Variants in INPP4B observed in about 807,000 individuals in gnomAD.
INPP4B encodes inositol polyphosphate-4-phosphatase type II B.
INPP4B carries 55 observed loss-of-function variants against 122.5 expected under a neutral mutation model. That is an observed-to-expected ratio of 0.45 (90% confidence interval 0.36 to 0.56). The LOEUF is 0.56. INPP4B is among the 20% of genes least tolerant of loss of function. The probability of loss-of-function intolerance (pLI) is 0.00; values close to 1 mark genes in which losing one functional copy is unlikely to be tolerated. For synonymous variants in INPP4B, 403 were observed against 388.7 expected, an observed-to-expected ratio of 1.04 and a Z score of -0.43; for missense variants, 1,000 against 1,097.7, an observed-to-expected ratio of 0.91 and a Z score of 1.26.
At chr4:142,067,708 A>T (rs1258150829) in intron 25 of INPP4B, among the ~76,000 whole-genome samples, 1 of 152,216 alleles carries the variant, frequency 6.6e-6, no homozygotes, top group Non-Finnish European at 1.5e-5. Context: ...ACCCAATTTG[A>T]TCAAGTGGAA....
At position 142,023,855 on chromosome 4, in the gene INPP4B, T is replaced by C. The variant is rs1736214952; in HGVS notation, c.*4927A>G. On this transcript the variant is annotated 3_prime_UTR_variant, in exon 26 of 26. Transcript: ENST00000262992. ...TGGTACTCACTCTCTGTGGGTACCA[T>C]ACTCAATTGTAAATCTTTTAAAAAT... 1 of 152,176 alleles carries C rather than the reference T, an allele frequency of 6.6e-6. No individual in the cohort carries two copies. The highest frequency in any genetic ancestry group is 1.5e-5 in the Non-Finnish European group (1 of 68,008). 9.4% of individuals were successfully genotyped at this position (152,176 alleles called of 1,614,324 possible).
intron 18 of INPP4B, among the ~76,000 whole-genome samples, chr4:142,141,339 T>A (rs1807714045): frequency 6.6e-6 from 1 of 152,146 alleles, no homozygotes; most frequent in South Asian, 2.1e-4. Flanking sequence ...AATTACATAA[T>A]CTTTAAGATG....
Position 142,495,924 on chromosome 4 carries a change from A to T in INPP4B, c.-190-33198T>A, listed in dbSNP as rs1822498400. ...CGAATCCTCATGCTTCAGCCCATAT[A>T]GGCAAATGCCCCAGGGAAACAAAAG... On this transcript the variant is annotated intron_variant, in intron 2 of 25. Transcript: ENST00000262992. Among the ~76,000 whole-genome samples, 4 of 152,120 alleles carry T rather than the reference A, an allele frequency of 2.6e-5. No individual in the cohort carries two copies. The South Asian group carries it at 6.2e-4, about 24-fold the overall frequency.
chr4:142,463,396 A>G (rs1817110237), intron 2 of INPP4B, among the ~76,000 whole-genome samples: 2 of 152,118 alleles, frequency 1.3e-5, no homozygotes, highest in Admixed American at 6.6e-5. Flanking sequence ...ACCACACTTC[A>G]TGGGTTATAC....
chr4:142,174,843 C>T (rs1050894194), intron 15 of INPP4B, among the ~76,000 whole-genome samples: 2 of 152,056 alleles, frequency 1.3e-5, no homozygotes, highest in Non-Finnish European at 2.9e-5. Flanking sequence ...CTTGCACAGA[C>T]TGGTCTTGAA....
At chr4:142,062,033 AG>A (rs1258601056) in intron 25 of INPP4B, among the ~76,000 whole-genome samples, 1 of 151,908 alleles carries the variant, frequency 6.6e-6, no homozygotes, top group Non-Finnish European at 1.5e-5. Flanking sequence ...TTGGATCACA[AG>A]TCTTGCAAGT....
chr4:142,510,747 A>C (rs2149864437), intron 2 of INPP4B, among the ~76,000 whole-genome samples: 1 of 152,260 alleles, frequency 6.6e-6, no homozygotes, highest in Non-Finnish European at 1.5e-5. Flanking sequence ...CAGTGTGTTC[A>C]AGATTACCTG....
intron 7 of INPP4B, among the ~76,000 whole-genome samples, chr4:142,372,867 C>A (rs1002114119): frequency 6.6e-6 from 1 of 152,124 alleles, no homozygotes; most frequent in East Asian, 1.9e-4. Flanking sequence ...ACTCCTGCTG[C>A]CTTCCTAGTC....
At chr4:142,222,601 A>T (rs1849803223) in intron 12 of INPP4B, among the ~76,000 whole-genome samples, 1 of 152,242 alleles carries the variant, frequency 6.6e-6, no homozygotes, top group Admixed American at 6.5e-5. Flanking sequence ...ATTGTGCTAA[A>T]TTCCAAGAAT....
chr4:142,784,364 AAAATAAATAAATAAATAAAT>A lies in INPP4B; in HGVS notation c.-253-58483_-253-58464del, dbSNP rs3080884. ...GGTGATAGAGAGAAACTCTGTCTCA[AAAATAAATAAATAAATAAAT>A]AAATAAATAAATAAATAAATAAATA... On this transcript the variant is annotated intron_variant, in intron 1 of 25. Transcript: ENST00000262992. Among the ~76,000 whole-genome samples the A allele has an allele frequency of 1.6e-3, 214 of 137,784 alleles. 1 individual carries two copies. Among genetic ancestry groups the A allele is most frequent in the African/African-American group, 4.9e-3 (185 of 37,434 alleles). 90.4% of individuals were successfully genotyped at this position (137,784 alleles called of 152,430 possible).
chr4:142,260,578 T>TAAAAA lies in INPP4B; in HGVS notation c.616-19_616-15dup. Reference sequence around the variant, plus strand: ...TACCAGGGCACACTAGGAAAAAATGTAAAAAAAAAAAAAAAATTTTGAGAA... The same window carrying TAAAAA: ...TACCAGGGCACACTAGGAAAAAATGTAAAAAAAAAAAAAAAAAAAAATTTTGAGAA... On this transcript the variant is annotated splice_polypyrimidine_tract_variant and intron_variant, in intron 10 of 25. Coordinates refer to ENST00000262992, the MANE Select transcript of INPP4B (RefSeq NM_001101669.3). The TAAAAA allele has an allele frequency of 2.8e-6, 3 of 1,086,340 alleles. No individual in the cohort carries two copies. The highest frequency in any genetic ancestry group is 3.8e-6 in the Non-Finnish European group (3 of 797,104). 67.3% of individuals were successfully genotyped at this position (1,086,340 alleles called of 1,614,324 possible). A position where few individuals can be genotyped will look rare whatever the true frequency, so the allele number is the denominator to read the frequency against.
chr4:142,532,927 TTA>T (rs1322659411), intron 2 of INPP4B, among the ~76,000 whole-genome samples: 1 of 152,186 alleles, frequency 6.6e-6, no homozygotes, highest in Non-Finnish European at 1.5e-5. Flanking sequence ...TTGTTTTGCT[TTA>T]TGTTAGCACT....
intron 7 of INPP4B, among the ~76,000 whole-genome samples, chr4:142,372,694 G>A (rs1193166568): frequency 6.6e-6 from 1 of 151,994 alleles, no homozygotes; most frequent in African/African-American, 2.4e-5. Context: ...GTAGAAATGT[G>A]TGCCTCTGAC....
chr4:142,622,864 A>G (rs1745273990), intron 2 of INPP4B, among the ~76,000 whole-genome samples: 1 of 152,008 alleles, frequency 6.6e-6, no homozygotes, highest in Non-Finnish European at 1.5e-5. Context: ...TAATTCACAT[A>G]TTGTAAGATT....
intron 2 of INPP4B, among the ~76,000 whole-genome samples, chr4:142,535,540 G>GC (rs1828086624): frequency 6.6e-6 from 1 of 152,094 alleles, no homozygotes; most frequent in Non-Finnish European, 1.5e-5. Flanking sequence ...AAAAATAAAT[G>GC]CAAGAACACT....
chr4:142,477,708 G>T (rs1819972268), intron 2 of INPP4B, among the ~76,000 whole-genome samples: 1 of 152,100 alleles, frequency 6.6e-6, no homozygotes, highest in Non-Finnish European at 1.5e-5. Context: ...GAAACATACA[G>T]CTTCCAAGAT....
intron 2 of INPP4B, among the ~76,000 whole-genome samples, chr4:142,678,026 A>G (rs973827068): frequency 6.6e-6 from 1 of 151,904 alleles, no homozygotes; most frequent in African/African-American, 2.4e-5. Context: ...GTAACTTTAA[A>G]AAAAGGTGTA....
chr4:142,140,024 AG>A (rs1171849502), intron 18 of INPP4B, among the ~76,000 whole-genome samples: 7 of 152,232 alleles, frequency 4.6e-5, no homozygotes, highest in Admixed American at 4.6e-4. Context: ...GTAAAATATA[AG>A]GTAAATATAG....
At chr4:142,157,547 C>G (rs1217728133) in intron 17 of INPP4B, among the ~76,000 whole-genome samples, 1 of 152,092 alleles carries the variant, frequency 6.6e-6, no homozygotes, top group Non-Finnish European at 1.5e-5. Flanking sequence ...TTAGAAATGA[C>G]ATTAAGGAGA....
Sources: gnomAD v4.1 joint callset for allele counts (sites outside exome capture counted in the v4.1 genomes callset) on GRCh38, gnomAD v4.1.1 for gene constraint, MANE v1.5 for transcripts, NCBI Gene and HGNC (gene_info 2026-07-23, HGNC 2026-07-21) for gene names.